Variants in IL23R observed in about 807,000 individuals in gnomAD.
IL23R encodes interleukin 23 receptor.
Under a neutral mutation model 56.9 loss-of-function variants are expected in IL23R, and 34 were observed. That is an observed-to-expected ratio of 0.60 (90% CI 0.45 to 0.80). The LOEUF is 0.80. Ranked by LOEUF, IL23R falls within the 30% of genes least tolerant of loss-of-function variation. The pLI is 0.00. For synonymous variants in IL23R, 230 were observed against 249.2 expected (o/e 0.92, Z 0.73); for missense variants, 635 against 730.0 (o/e 0.87, Z 1.50).
At chr1:67,257,282 G>T (rs1159186413) in intron 10 of IL23R, among the ~76,000 whole-genome samples, 1 of 152,168 alleles carries the variant, frequency 6.6e-6, no homozygotes, top group East Asian at 1.9e-4. Flanking sequence ...AGTGCTGGAG[G>T]CTGGGAAGTC....
downstream of IL23R, among the ~76,000 whole-genome samples, chr1:67,260,523 T>G (rs1374599272): frequency 1.3e-5 from 2 of 152,114 alleles, no homozygotes; most frequent in Non-Finnish European, 2.9e-5. Context: ...GCTGTACAAG[T>G]GCCCTCAGAA....
intron 4 of IL23R, among the ~76,000 whole-genome samples, chr1:67,190,833 C>T (rs910616665): frequency 3.3e-5 from 5 of 152,160 alleles, no homozygotes; most frequent in African/African-American, 4.8e-5. Flanking sequence ...TGTTAGAGCC[C>T]TTAAATTCAG....
chr1:67,176,799 C>T (rs1330052823), intron 3 of IL23R, among the ~76,000 whole-genome samples: 1 of 152,158 alleles, frequency 6.6e-6, no homozygotes, highest in Admixed American at 6.5e-5. Flanking sequence ...TCCCACCACA[C>T]AACTGGCCCC....
At chr1:67,142,497 C>A (rs1480975252) in intron 1 of IL23R, among the ~76,000 whole-genome samples, 1 of 152,142 alleles carries the variant, frequency 6.6e-6, no homozygotes, top group Non-Finnish European at 1.5e-5. Context: ...GAGCTGAAGC[C>A]TCTCCCATTG....
chr1:67,140,760 A>G (rs1646629283), intron 1 of IL23R, among the ~76,000 whole-genome samples: 1 of 152,204 alleles, frequency 6.6e-6, no homozygotes. Flanking sequence ...AAAAAATTTA[A>G]AAGTTGATAA....
chr1:67,258,340 T>C, intron 10 of IL23R, 138 bp from the exon 11 acceptor site: 1 of 590,328 alleles, frequency 1.7e-6, no homozygotes, highest in South Asian at 2.8e-5. Flanking sequence ...GAGGAAATCA[T>C]ATGGGAAGAT....
At chr1:67,220,125 T>C (rs1650146270) in intron 7 of IL23R, among the ~76,000 whole-genome samples, 1 of 152,138 alleles carries the variant, frequency 6.6e-6, no homozygotes, top group Admixed American at 6.5e-5. Context: ...TCCCAGCACT[T>C]TGGGAGGCCA....
intron 4 of IL23R, among the ~76,000 whole-genome samples, chr1:67,185,078 G>C (rs992862876): frequency 3.3e-5 from 5 of 152,200 alleles, no homozygotes; most frequent in African/African-American, 1.2e-4. Context: ...CTCCAGAACT[G>C]TAAACAATAA....
intron 1 of IL23R, among the ~76,000 whole-genome samples, chr1:67,161,146 G>A (rs1016065446): frequency 1.3e-5 from 2 of 152,114 alleles, no homozygotes; most frequent in African/African-American, 2.4e-5. Context: ...CAGAACAAGC[G>A]GGAAGGGGAA....
chr1:67,243,081 A>G (rs1386600168), intron 9 of IL23R, among the ~76,000 whole-genome samples: 4 of 152,198 alleles, frequency 2.6e-5, no homozygotes, highest in African/African-American at 7.2e-5. Context: ...AGAACTTTTA[A>G]TAATGAAAGC....
Position 67,167,683 on chromosome 1 carries a change from C to A in IL23R, c.-29-409C>A, listed in dbSNP as rs11465767. On this transcript the variant is annotated intron_variant, in intron 1 of 10. Transcript: ENST00000347310. ...AGGTTACAGTGAGCTATGATAATGCCGCTGCACTCCAGCCTGGGCTACAGA... is the reference window on the plus strand; with the variant it reads ...AGGTTACAGTGAGCTATGATAATGCAGCTGCACTCCAGCCTGGGCTACAGA... Among the ~76,000 whole-genome samples the A allele has an allele frequency of 2.8e-3, 429 of 152,098 alleles. 5 individuals carry two copies. The highest frequency in any genetic ancestry group is 0.01 in the African/African-American group (423 of 41,460).
intron 10 of IL23R, 34 bp downstream of exon 10, chr1:67,255,961 C>A (rs532509002): frequency 8.6e-7 from 1 of 1,164,768 alleles, no homozygotes; most frequent in Non-Finnish European, 1.3e-6. Flanking sequence ...AACTGAGTGG[C>A]AATTGAGACC....
chr1:67,188,534 G>A (rs1298946275), intron 4 of IL23R, among the ~76,000 whole-genome samples: 2 of 152,164 alleles, frequency 1.3e-5, no homozygotes, highest in Non-Finnish European at 2.9e-5. Context: ...TTATAAAAAA[G>A]CAAATTATAG....
intron 4 of IL23R, among the ~76,000 whole-genome samples, chr1:67,187,294 G>A (rs568536369): frequency 7.4e-4 from 113 of 152,230 alleles, no homozygotes; most frequent in African/African-American, 2.4e-3. Context: ...ATTCTTTCAA[G>A]CCTGACTTAC....
At chr1:67,176,363 A>C (rs1408962353) in intron 3 of IL23R, among the ~76,000 whole-genome samples, 4 of 152,178 alleles carry the variant, frequency 2.6e-5, no homozygotes, top group Admixed American at 6.5e-5. Context: ...AATGAGGAGC[A>C]GGGAGGTGCT....
intron 4 of IL23R, among the ~76,000 whole-genome samples, chr1:67,186,187 A>C (rs1278409346): frequency 6.6e-6 from 1 of 152,206 alleles, no homozygotes; most frequent in Non-Finnish European, 1.5e-5. Context: ...CAAACTTTGC[A>C]CTTCAAGCAC....
intron 1 of IL23R, among the ~76,000 whole-genome samples, chr1:67,146,502 C>G (rs1249618525): frequency 6.6e-6 from 1 of 152,088 alleles, no homozygotes; most frequent in Non-Finnish European, 1.5e-5. Context: ...GGACTCAGGC[C>G]TGAATTGATG....
rs1318740510 is a variant in IL23R at position 67,168,081 on chromosome 1, T to G, written c.-29-11T>G. 1 of 1,398,034 alleles carries G rather than the reference T, an allele frequency of 7.2e-7. No individual in the cohort carries two copies. The highest frequency in any genetic ancestry group is 1.7e-5 in the Admixed American group (1 of 59,732). The allele number at this position is 1,398,034 out of a possible 1,614,324, so 86.6% of individuals were successfully genotyped here. A position where few individuals can be genotyped will look rare whatever the true frequency, so the allele number is the denominator to read the frequency against. ...ACTACAATTTAAACATTTTTCATATTTTTTTTCCAGAGGGAAACAGTCTTT... is the reference window on the plus strand; with the variant it reads ...ACTACAATTTAAACATTTTTCATATGTTTTTTCCAGAGGGAAACAGTCTTT... On this transcript the variant is annotated splice_polypyrimidine_tract_variant and intron_variant, in intron 1 of 10. Coordinates refer to ENST00000347310, the MANE Select transcript of IL23R (RefSeq NM_144701.3).
In IL23R at chr1:67,183,057, A is replaced by G. The variant is rs577729313; in HGVS notation, c.491+98A>G. The G allele has an allele frequency of 1.4e-5, 18 of 1,315,528 alleles. No individual in the cohort carries two copies. In the African/African-American group the frequency reaches 2.3e-4, roughly 17 times the overall value. 81.5% of individuals were successfully genotyped at this position (1,315,528 alleles called of 1,614,324 possible). On this transcript the variant is annotated intron_variant, in intron 4 of 10. Coordinates refer to ENST00000347310, the MANE Select transcript of IL23R (RefSeq NM_144701.3). ...ATCCAAGAAATCAGCCTCAAACATTAAATATATACCCTGATTTATCCCTTA... is the reference window on the plus strand; with the variant it reads ...ATCCAAGAAATCAGCCTCAAACATTGAATATATACCCTGATTTATCCCTTA...
Sources: gnomAD v4.1 joint callset for allele counts (sites outside exome capture counted in the v4.1 genomes callset) on GRCh38, gnomAD v4.1.1 for gene constraint, MANE v1.5 for transcripts, NCBI Gene and HGNC (gene_info 2026-07-23, HGNC 2026-07-21) for gene names.